The following PSPC1 variants were observed in gnomAD, a reference collection of about 807,000 sequenced individuals.
PSPC1 encodes the protein paraspeckle component 1.
Under a neutral mutation model 51.6 loss-of-function variants are expected in PSPC1, and 14 were observed. The observed-to-expected ratio is 0.27, with a 90% CI of 0.18 to 0.42. The LOEUF (loss-of-function observed/expected upper bound fraction) is 0.42, where lower values mean the gene tolerates loss of function less well. PSPC1 is among the 10% of genes least tolerant of loss of function. The pLI, the probability that PSPC1 is intolerant of heterozygous loss-of-function variation, is 1.00. For synonymous variants in PSPC1, 193 were observed against 231.9 expected (o/e 0.83, Z 1.53); for missense variants, 406 against 701.1 (o/e 0.58, Z 4.75).
At chr13:19,727,064 T>C (rs923505418) in intron 6 of PSPC1, among the ~76,000 whole-genome samples, 11 of 152,232 alleles carry the variant, frequency 7.2e-5, no homozygotes, top group Admixed American at 1.3e-4. Context: ...TTTTCTTTAT[T>C]GAAAAGGCAA....
At chr13:19,694,511 A>T in intron 6 of PSPC1, among the ~76,000 whole-genome samples, 1 of 152,240 alleles carries the variant, frequency 6.6e-6, no homozygotes, top group East Asian at 1.9e-4. Context: ...GAAATTTTAC[A>T]TTCTTTTCTT....
chr13:19,736,509 C>A (rs189466313), intron 5 of PSPC1, among the ~76,000 whole-genome samples: 3 of 151,954 alleles, frequency 2.0e-5, no homozygotes, highest in Non-Finnish European at 1.5e-5. Flanking sequence ...CAGTGAAACC[C>A]CATCTCTACT....
At chr13:19,688,951 T>C (rs12861300) in intron 6 of PSPC1, among the ~76,000 whole-genome samples, 119,451 of 148,554 alleles carry the variant, frequency 0.8, 49,108 homozygotes, top group East Asian at 0.96. Context: ...TTTAATGGTG[T>C]GATAAACTCT....
Position 19,782,062 on chromosome 13 carries a change from G to A in PSPC1, c.372+324C>T, listed in dbSNP as rs988662111. 6.6e-6 allele frequency among the ~76,000 whole-genome samples: 1 copy of A among 152,202 alleles called. No homozygotes were observed. The highest frequency in any genetic ancestry group is 1.5e-5 in the Non-Finnish European group (1 of 68,030). On this transcript the variant is annotated intron_variant, in intron 1 of 8. Transcript: ENST00000338910. The surrounding 1 kb of genome is among the most constrained non-coding windows in gnomAD (Gnocchi z 4.5). ...CGGTACCCGGGGCAACGGGGAACCC[G>A]GGAGCGCTCGCTACCTGGACAGGGT... is the stretch of plus-strand genomic sequence containing the variant.
intron 1 of PSPC1, among the ~76,000 whole-genome samples, chr13:19,777,106 C>T (rs9508885): frequency 0.7 from 88,626 of 126,906 alleles, 32,532 homozygotes; most frequent in East Asian, 0.88. Context: ...TGGGTGACAG[C>T]GAGGCTCCAT....
rs538593375 is a variant in PSPC1, at chr13:19,739,644, G to A, written c.1052+1921C>T. Among the ~76,000 whole-genome samples, 8 of 152,204 alleles carry A rather than the reference G, an allele frequency of 5.3e-5. No homozygotes were observed. The East Asian group carries it at 1.4e-3, about 26-fold the overall frequency. On this transcript the variant is annotated intron_variant, in intron 5 of 8. Transcript: ENST00000338910. ...AGCCTGTAATCCCAGCTAGGAAGCT[G>A]AGGCAGGAGAATCACTGGGACCTGG...
chr13:19,719,326 A>G (rs566506554), intron 6 of PSPC1, among the ~76,000 whole-genome samples: 33 of 152,300 alleles, frequency 2.2e-4, no homozygotes, highest in Middle Eastern at 3.4e-3. Context: ...TGAATAATCA[A>G]TTACATTAAA....
At chr13:19,671,568 GTA>G (rs1235218885), downstream of PSPC1, among the ~76,000 whole-genome samples, 7 of 152,208 alleles carry the variant, frequency 4.6e-5, no homozygotes, top group Non-Finnish European at 8.8e-5. Context: ...GTTGCCAAAT[GTA>G]TGTCTTTAGG....
chr13:19,724,720 C>T (rs1417225067), intron 6 of PSPC1, among the ~76,000 whole-genome samples: 3 of 151,900 alleles, frequency 2.0e-5, no homozygotes, highest in Non-Finnish European at 4.4e-5. Flanking sequence ...CGAGCGTGGG[C>T]CGGGCGTGGT....
chr13:19,722,201 T>C (rs973389520), intron 6 of PSPC1, among the ~76,000 whole-genome samples: 1 of 152,078 alleles, frequency 6.6e-6, no homozygotes, highest in African/African-American at 2.4e-5. Flanking sequence ...ATAAACTATA[T>C]TGAACATAAA....
Position 19,772,333 on chromosome 13 carries a change from C to T in PSPC1, c.583G>A (p.Ala195Thr). ...AVVVVDDRGR[A>T]TGKGFVEFAA... is the part of the protein sequence containing the mutation. Reference sequence around the variant, plus strand: ...AACTCTACAAAACCTTTTCCTGTAGCTCTACCGCGATCATCCACAACCACA... The same window carrying T: ...AACTCTACAAAACCTTTTCCTGTAGTTCTACCGCGATCATCCACAACCACA... The change falls in exon 2 of 9, where the codon GCT becomes ACT. Residue 195 changes from alanine (A) to threonine (T), a missense_variant. Around this residue, in one of 5 missense-constraint regions of PSPC1, gnomAD observed 180 missense variants for 337.9 expected, o/e 0.53. Transcript: ENST00000338910. The T allele has an allele frequency of 5.0e-6, 8 of 1,614,250 alleles. No individual in the cohort carries two copies. Among genetic ancestry groups the T allele is most frequent in the Non-Finnish European group, 6.8e-6 (8 of 1,180,052 alleles).
chr13:19,730,954 AAAC>A (rs1883992513), intron 5 of PSPC1, among the ~76,000 whole-genome samples: 1 of 45,944 alleles, frequency 2.2e-5, no homozygotes, highest in South Asian at 8.4e-4. Context: ...CAGAAAAAAA[AAAC>A]AAAAAAACAA....
chr13:19,671,768 G>T, downstream of PSPC1: 1 of 1,510,744 alleles, frequency 6.6e-7, no homozygotes. Flanking sequence ...CCATTTGTGG[G>T]TTTTTTCTTG....
downstream of PSPC1, among the ~76,000 whole-genome samples, chr13:19,697,706 GA>G (rs1210341062): frequency 6.6e-6 from 1 of 152,088 alleles, no homozygotes; most frequent in Admixed American, 6.5e-5. Context: ...AAAAAGGTCA[GA>G]AATTACTAAA....
At chr13:19,695,815 T>C (rs1593548125) in intron 6 of PSPC1, among the ~76,000 whole-genome samples, 1 of 152,050 alleles carries the variant, frequency 6.6e-6, no homozygotes, top group East Asian at 1.9e-4. Flanking sequence ...GAGTTAAAAA[T>C]AATCATTTCT....
intron 1 of PSPC1, among the ~76,000 whole-genome samples, chr13:19,781,145 CAA>C (rs531065939): frequency 0.16 from 11,132 of 70,494 alleles, 428 homozygotes; most frequent in Middle Eastern, 0.3. Flanking sequence ...GACCCAGTCT[CAA>C]AAAAAAAAAA....
At chr13:19,727,903 T>C (rs141394254) in intron 6 of PSPC1, among the ~76,000 whole-genome samples, 17 of 152,310 alleles carry the variant, frequency 1.1e-4, no homozygotes, top group Middle Eastern at 3.4e-3. Flanking sequence ...TTAAGACATA[T>C]TATTAAAATG....
rs559647824 is a variant in PSPC1, at chr13:19,778,280, TTAA to T, written c.372+4103_372+4105del. Among the ~76,000 whole-genome samples, 369 of 126,028 alleles carry T rather than the reference TTAA, an allele frequency of 2.9e-3. 1 individual carries two copies. Among genetic ancestry groups the T allele is most frequent in the African/African-American group, 5.9e-3 (234 of 39,916 alleles). The allele number at this position is 126,028 out of a possible 152,430, so 82.7% of individuals were successfully genotyped here. On this transcript the variant is annotated intron_variant, in intron 1 of 8. Coordinates refer to ENST00000338910, the MANE Select transcript of PSPC1 (RefSeq NM_001354909.2). Reference sequence around the variant, plus strand: ...ACACTATCTTAAAGGTTTTAGAAGATTAATTTTTTAAAAAAGAAAAAAATTAAT... The same window carrying T: ...ACACTATCTTAAAGGTTTTAGAAGATTTTTTTAAAAAAGAAAAAAATTAAT...
chr13:19,710,738 AC>A (rs1243118858), intron 6 of PSPC1, among the ~76,000 whole-genome samples: 3 of 152,210 alleles, frequency 2.0e-5, no homozygotes, highest in Non-Finnish European at 4.4e-5. Context: ...AAGCTACGGT[AC>A]AATGAATGAA....
Sources: allele counts gnomAD v4.1 joint callset (sites outside exome capture counted in the v4.1 genomes callset), GRCh38; gene constraint gnomAD v4.1.1; regional missense constraint gnomAD v4.1.1; non-coding constraint Gnocchi (gnomAD v3.1); transcripts MANE v1.5; gene names NCBI Gene and HGNC (gene_info 2026-07-23, HGNC 2026-07-21).